The following HOMER2 variants were observed in gnomAD, a reference collection of about 807,000 sequenced individuals.
The protein encoded by HOMER2 is homer protein homolog 2.
HOMER2 carries 27 observed loss-of-function variants against 47.0 expected under a neutral mutation model. The observed-to-expected ratio is 0.57, with a 90% CI of 0.42 to 0.79. The LOEUF (loss-of-function observed/expected upper bound fraction) is 0.79, where lower values mean the gene tolerates loss of function less well. Ranked by LOEUF, HOMER2 falls within the 30% of genes least tolerant of loss-of-function variation. The pLI is 0.00. For synonymous variants in HOMER2, 161 were observed against 163.8 expected, an observed-to-expected ratio of 0.98 and a Z score of 0.13; for missense variants, 443 against 435.0, an observed-to-expected ratio of 1.02 and a Z score of -0.16.
intron 1 of HOMER2, among the ~76,000 whole-genome samples, chr15:82,908,748 A>T (rs2381027): frequency 0.24 from 28,499 of 117,058 alleles, 3,021 homozygotes; most frequent in Non-Finnish European, 0.31. Flanking sequence ...CTTTTTTTTT[A>T]AAAAAAAAAA....
chr15:82,985,414 C>G (rs922614696), intron 1 of HOMER2: 7 of 151,958 alleles, frequency 4.6e-5, no homozygotes, highest in African/African-American at 1.7e-4. Flanking sequence ...TGACACCGTG[C>G]AGGGGATGGT....
chr15:82,907,146 G>A (rs578048616), intron 1 of HOMER2, among the ~76,000 whole-genome samples: 9 of 152,108 alleles, frequency 5.9e-5, no homozygotes, highest in Non-Finnish European at 1.2e-4. Context: ...CTGGAGAGTC[G>A]GGAGTTTGAG....
At chr15:82,921,247 C>T (rs1309211373) in intron 1 of HOMER2, among the ~76,000 whole-genome samples, 4 of 152,156 alleles carry the variant, frequency 2.6e-5, no homozygotes, top group African/African-American at 9.7e-5. Context: ...AAGATCGCAC[C>T]ACTGCACTCC....
intron 7 of HOMER2, 131 bp from the exon 8 acceptor site, chr15:82,851,362 G>A: frequency 4.6e-6 from 3 of 658,738 alleles, no homozygotes; most frequent in Non-Finnish European, 8.2e-6. Context: ...CAGTGATAGT[G>A]ACCATGCGAA....
chr15:82,977,386 T>C (rs1216827552), intron 1 of HOMER2, among the ~76,000 whole-genome samples: 1 of 152,212 alleles, frequency 6.6e-6, no homozygotes, highest in Non-Finnish European at 1.5e-5. Context: ...TGTTGAAGGA[T>C]TCACCTTCAT....
Position 82,971,415 on chromosome 15 carries a change from T to TACACACAC in HOMER2, n.83-12115_83-12108dup, listed in dbSNP as rs147448090. 3.6e-3 allele frequency among the ~76,000 whole-genome samples: 532 copies of TACACACAC among 148,408 alleles called. 3 individuals are homozygous for TACACACAC. The highest frequency in any genetic ancestry group is 0.013 in the African/African-American group (516 of 40,634). On this transcript the variant is annotated intron_variant and non_coding_transcript_variant, in intron 1 of 1. Transcript: ENST00000500334. ...AGAGAGAGCAAGAGAGACAGATACA[T>TACACACAC]ACACACACACACACACACACAGACA...
At chr15:82,916,450 C>A (rs1489705424) in intron 1 of HOMER2, among the ~76,000 whole-genome samples, 1 of 152,106 alleles carries the variant, frequency 6.6e-6, no homozygotes, top group Non-Finnish European at 1.5e-5. Flanking sequence ...AAAACAGTGA[C>A]CCTAAAGCAA....
chr15:82,855,698 G>A (rs1250764563), intron 5 of HOMER2, among the ~76,000 whole-genome samples: 2 of 152,230 alleles, frequency 1.3e-5, no homozygotes, highest in East Asian at 1.9e-4. Context: ...GGTCTGGAGG[G>A]AGCTCTGGCT....
intron 1 of HOMER2, among the ~76,000 whole-genome samples, chr15:82,939,372 G>C (rs961612783): frequency 6.6e-6 from 1 of 152,130 alleles, no homozygotes; most frequent in East Asian, 1.9e-4. Context: ...TGCATCTTAA[G>C]AACAGGAATT....
chr15:82,856,621 CAAATA>C (rs1164283793), intron 5 of HOMER2, among the ~76,000 whole-genome samples: 1 of 152,004 alleles, frequency 6.6e-6, no homozygotes, highest in East Asian at 1.9e-4. Context: ...CCTCAAAAAA[CAAATA>C]AATAAATAAA....
chr15:82,970,305 G>A (rs891758763), intron 1 of HOMER2, among the ~76,000 whole-genome samples: 1 of 152,156 alleles, frequency 6.6e-6, no homozygotes. Context: ...GAGAAGGAGA[G>A]GCCTATGTTT....
intron 1 of HOMER2, among the ~76,000 whole-genome samples, chr15:82,977,237 C>T (rs1409119235): frequency 6.6e-6 from 1 of 152,092 alleles, no homozygotes. Flanking sequence ...GTGGTTTAGT[C>T]ATAGGGAGGT....
intron 1 of HOMER2, among the ~76,000 whole-genome samples, chr15:82,924,318 G>C (rs2053804525): frequency 6.6e-6 from 1 of 151,046 alleles, no homozygotes; most frequent in African/African-American, 2.4e-5. Flanking sequence ...AAATGAGGCT[G>C]CCAGCAGGTG....
intron 3 of HOMER2, among the ~76,000 whole-genome samples, chr15:82,869,264 C>T (rs969065606): frequency 4.6e-5 from 7 of 152,110 alleles, no homozygotes; most frequent in Non-Finnish European, 1.0e-4. Flanking sequence ...CTCCCCTGCC[C>T]TGCAACACCA....
In HOMER2 at chr15:82,851,222, C is replaced by A; in HGVS notation, c.772G>T (p.Asp258Tyr). ...ATGATTTCACTTTGTTTTCGGAGAT[C>A]TTTCAGCTCCTACATGAAAAAAATT... Reference protein sequence around the residue: ...ELREKETELKDLRKQSEIIPQ... With the variant: ...ELREKETELKYLRKQSEIIPQ... Residue 258 changes from aspartate (D) to tyrosine (Y), a missense_variant, in exon 8 of 9, where the codon GAT becomes TAT. Physicochemically the swap from Asp to Tyr is radical, Grantham distance 160. Transcript: ENST00000450735. 6.4e-7 allele frequency: 1 copy of A among 1,558,820 alleles called. No homozygotes were observed. Among genetic ancestry groups the A allele is most frequent in the Non-Finnish European group, 8.7e-7 (1 of 1,149,614 alleles).
chr15:82,912,292 C>T (rs1486594073), intron 1 of HOMER2, among the ~76,000 whole-genome samples: 2 of 152,200 alleles, frequency 1.3e-5, no homozygotes, highest in African/African-American at 2.4e-5. Context: ...TTCTGTCTCT[C>T]TGAATTTGCC....
At chr15:82,860,956 TG>T (rs2051760679) in intron 4 of HOMER2, among the ~76,000 whole-genome samples, 1 of 42,386 alleles carries the variant, frequency 2.4e-5, no homozygotes, top group Non-Finnish European at 4.9e-5. Context: ...AGATAGAAGA[TG>T]AGAGAGAGAG....
In HOMER2 at chr15:82,849,128, G is replaced by A. The variant is rs187099919; in HGVS notation, c.*587C>T. The A allele has an allele frequency of 5.1e-4, 77 of 152,296 alleles. No homozygotes were observed. The Middle Eastern group carries it at 9.7e-3, about 19-fold the overall frequency. 9.4% of individuals were successfully genotyped at this position (152,296 alleles called of 1,614,324 possible). A position where few individuals can be genotyped will look rare whatever the true frequency, so the allele number is the denominator to read the frequency against. ...ACACTGTTGCAACCGTACAAACTGG[G>A]GGGGCGGGGGGCAGGGGGCAGTAGC... On this transcript the variant is annotated 3_prime_UTR_variant, in exon 9 of 9. Transcript: ENST00000450735.
chr15:82,986,069 C>T (rs550439408), upstream of HOMER2: 527 of 985,574 alleles, frequency 5.3e-4, no homozygotes, highest in Middle Eastern at 0.01. Context: ...TAGACAGCTA[C>T]TTGCCCACAC....
Sources: allele counts gnomAD v4.1 joint callset (sites outside exome capture counted in the v4.1 genomes callset), GRCh38; gene constraint gnomAD v4.1.1; transcripts MANE v1.5; gene names NCBI Gene and HGNC (gene_info 2026-07-23, HGNC 2026-07-21).